CACNB2: variants seen among roughly 807,000 people sequenced by gnomAD.
CACNB2 encodes the protein voltage-dependent L-type calcium channel subunit beta-2.
In CACNB2, 42 loss-of-function variants were observed where a neutral mutation model predicts 73.3. The ratio of observed to expected loss-of-function variants is 0.57; its 90% CI spans 0.45 to 0.74. The LOEUF is 0.74. Ranked by LOEUF, CACNB2 falls within the 30% of genes least tolerant of loss-of-function variation. CACNB2 has a pLI of 0.00. For missense variants in CACNB2, 940 were observed against 853.0 expected, an observed-to-expected ratio of 1.10 and a Z score of -1.27; for synonymous variants, 348 against 310.3, an observed-to-expected ratio of 1.12 and a Z score of -1.28.
At chr10:18,519,496 A>G (rs765546784) in intron 9 of CACNB2, among the ~76,000 whole-genome samples, 5 of 152,138 alleles carry the variant, frequency 3.3e-5, no homozygotes, top group Non-Finnish European at 7.3e-5. Flanking sequence ...TCCAATGACT[A>G]TGTTCCCAGC....
At position 18,356,942 on chromosome 10, in the gene CACNB2, C is replaced by CTTTTTTTTTTTTTT. The variant is rs71402158; in HGVS notation, c.214-44975_214-44962dup. 5.3e-4 allele frequency among the ~76,000 whole-genome samples: 54 copies of CTTTTTTTTTTTTTT among 101,110 alleles called. 6 individuals are homozygous for CTTTTTTTTTTTTTT. The highest frequency in any genetic ancestry group is 8.9e-4 in the Non-Finnish European group (44 of 49,164). 66.3% of individuals were successfully genotyped at this position (101,110 alleles called of 152,430 possible). ...ACTGTGCCTGGCCCAGACTCAATTT[C>CTTTTTTTTTTTTTT]TTTTTTTTTTTTTTTTTTTTGAGAC... On this transcript the variant is annotated intron_variant, in intron 2 of 13. Transcript: ENST00000324631.
At chr10:18,179,752 A>G (rs74120239) in intron 2 of CACNB2, among the ~76,000 whole-genome samples, 1 of 152,184 alleles carries the variant, frequency 6.6e-6, no homozygotes, top group African/African-American at 2.4e-5. Context: ...GCCAATATTT[A>G]AAATCTGCTT....
At chr10:18,377,148 A>C (rs1321377714) in intron 2 of CACNB2, among the ~76,000 whole-genome samples, 1 of 152,178 alleles carries the variant, frequency 6.6e-6, no homozygotes, top group Non-Finnish European at 1.5e-5. Flanking sequence ...AAGAAAACCA[A>C]AAACCACCCG....
intron 2 of CACNB2, among the ~76,000 whole-genome samples, chr10:18,159,765 C>G (rs1206520673): frequency 2.0e-5 from 3 of 152,206 alleles, no homozygotes; most frequent in Admixed American, 2.0e-4. Context: ...CCTGCGTAGA[C>G]TGATATGTTT....
intron 2 of CACNB2, chr10:18,260,796 A>G (rs2037500729): frequency 2.0e-6 from 2 of 1,016,372 alleles, no homozygotes; most frequent in Non-Finnish European, 2.4e-6. Flanking sequence ...GCAGTCACAT[A>G]AACAGCAGCA....
At chr10:18,433,800 G>A (rs982309929) in intron 3 of CACNB2, among the ~76,000 whole-genome samples, 1 of 152,160 alleles carries the variant, frequency 6.6e-6, no homozygotes, top group Non-Finnish European at 1.5e-5. Flanking sequence ...CAGTAAACGT[G>A]TTATGGCAAG....
chr10:18,479,153 T>A (rs2048589791), intron 3 of CACNB2, among the ~76,000 whole-genome samples: 3 of 152,268 alleles, frequency 2.0e-5, no homozygotes, highest in Admixed American at 6.5e-5. Flanking sequence ...ATCATTTATA[T>A]ATACACATAT....
chr10:18,530,535 T>C (rs1385276643), intron 10 of CACNB2, among the ~76,000 whole-genome samples: 2 of 146,880 alleles, frequency 1.4e-5, no homozygotes, highest in Non-Finnish European at 3.0e-5. Context: ...AAAAATGCAG[T>C]TGGGCAAACC....
chr10:18,219,429 C>G (rs2035639821), intron 2 of CACNB2, among the ~76,000 whole-genome samples: 3 of 152,132 alleles, frequency 2.0e-5, no homozygotes, highest in African/African-American at 7.2e-5. Context: ...AAAAGTCAGC[C>G]TCCAAAGACT....
intron 2 of CACNB2, among the ~76,000 whole-genome samples, chr10:18,382,470 C>T (rs2043059649): frequency 6.6e-6 from 1 of 151,964 alleles, no homozygotes; most frequent in African/African-American, 2.4e-5. Context: ...GTTTGCTGTA[C>T]CTATCAACCC....
intron 2 of CACNB2, among the ~76,000 whole-genome samples, chr10:18,210,157 A>G (rs2035259526): frequency 6.6e-6 from 1 of 152,160 alleles, no homozygotes. Context: ...GCGTGGCAGG[A>G]CAGAGTTGAT....
intron 2 of CACNB2, among the ~76,000 whole-genome samples, chr10:18,152,736 A>ACC (rs1554760490): frequency 4.1e-4 from 49 of 119,914 alleles, no homozygotes; most frequent in African/African-American, 1.7e-3. Context: ...AAAAAAACAA[A>ACC]AAACAAAACA....
At position 18,353,791 on chromosome 10, in the gene CACNB2, G is replaced by A. The variant is rs12244374; in HGVS notation, c.214-48133G>A. Among the ~76,000 whole-genome samples the A allele has an allele frequency of 8.0e-3, 1,224 of 152,212 alleles. 22 individuals are homozygous for A. The highest frequency in any genetic ancestry group is 0.028 in the African/African-American group (1,150 of 41,518). On this transcript the variant is annotated intron_variant, in intron 2 of 13. Transcript: ENST00000324631. ...TGCTCTATGGCAGCTGAGGGCTTCC[G>A]GTTCATCACATGTATCTGTTTAGTC...
intron 2 of CACNB2, among the ~76,000 whole-genome samples, chr10:18,316,249 G>A (rs922119964): frequency 1.3e-5 from 2 of 152,032 alleles, no homozygotes; most frequent in African/African-American, 4.8e-5. Flanking sequence ...TGCAGTATTA[G>A]CATCTACTTA....
At chr10:18,283,014 A>G (rs529450929) in intron 2 of CACNB2, among the ~76,000 whole-genome samples, 33 of 152,366 alleles carry the variant, frequency 2.2e-4, no homozygotes, top group African/African-American at 7.5e-4. Flanking sequence ...GGCAAAGGAT[A>G]TCAACAGACA....
At chr10:18,165,451 C>T (rs1005849641) in intron 2 of CACNB2, among the ~76,000 whole-genome samples, 3 of 152,194 alleles carry the variant, frequency 2.0e-5, no homozygotes, top group Admixed American at 6.5e-5. Context: ...CACGATCTAT[C>T]GCCCAGGCTG....
intron 3 of CACNB2, among the ~76,000 whole-genome samples, chr10:18,491,948 G>A (rs975128455): frequency 6.6e-6 from 1 of 151,326 alleles, no homozygotes; most frequent in Non-Finnish European, 1.5e-5. Context: ...ACCTGAGACT[G>A]AGTAGTTTAT....
intron 3 of CACNB2, among the ~76,000 whole-genome samples, chr10:18,443,317 A>G (rs1483924578): frequency 6.6e-6 from 1 of 151,880 alleles, no homozygotes; most frequent in African/African-American, 2.4e-5. Context: ...GTGACAGCAC[A>G]CTCATCAGTT....
chr10:18,483,525 C>G (rs2048897838), intron 3 of CACNB2, among the ~76,000 whole-genome samples: 2 of 119,060 alleles, frequency 1.7e-5, no homozygotes, highest in Admixed American at 9.6e-5. Flanking sequence ...GAGCAAAACT[C>G]TGTCTCAAAA....
Sources: gnomAD v4.1 joint callset for allele counts (sites outside exome capture counted in the v4.1 genomes callset) on GRCh38, gnomAD v4.1.1 for gene constraint, MANE v1.5 for transcripts, NCBI Gene and HGNC (gene_info 2026-07-23, HGNC 2026-07-21) for gene names.